SSH2: variants seen among roughly 807,000 people sequenced by gnomAD.
The protein encoded by SSH2 is protein phosphatase Slingshot homolog 2.
SSH2 carries 37 observed loss-of-function variants against 135.2 expected under a neutral mutation model. The ratio of observed to expected loss-of-function variants is 0.27; its 90% CI spans 0.21 to 0.36. SSH2 has a LOEUF of 0.36. Ranked by LOEUF, SSH2 falls within the 10% of genes least tolerant of loss-of-function variation. The pLI is 1.00. For missense variants in SSH2, 1,408 were observed against 1,765.3 expected, an observed-to-expected ratio of 0.80 and a Z score of 3.63; for synonymous variants, 628 against 646.2, an observed-to-expected ratio of 0.97 and a Z score of 0.43.
chr17:29,675,285 T>C (rs979461632), intron 8 of SSH2, among the ~76,000 whole-genome samples: 1 of 152,212 alleles, frequency 6.6e-6, no homozygotes, highest in Non-Finnish European at 1.5e-5. Context: ...AATTCTGTTT[T>C]CAGGGGTAGA....
chr17:29,658,911 C>T (rs953119405), intron 11 of SSH2, among the ~76,000 whole-genome samples: 1 of 149,048 alleles, frequency 6.7e-6, no homozygotes, highest in Admixed American at 6.7e-5. Context: ...AGAGGTCTCA[C>T]TCTCACTCCT....
intron 6 of SSH2, among the ~76,000 whole-genome samples, chr17:29,680,851 T>C (rs185493358): frequency 4.6e-5 from 7 of 152,214 alleles, no homozygotes; most frequent in Non-Finnish European, 8.8e-5. Flanking sequence ...AAGTATAATT[T>C]TGAGTATAAA....
chr17:29,686,589 C>T (rs867201217), intron 5 of SSH2, among the ~76,000 whole-genome samples: 9 of 150,902 alleles, frequency 6.0e-5, no homozygotes, highest in Non-Finnish European at 1.0e-4. Context: ...AGGCTGGTCT[C>T]GAACTCTGAA....
chr17:29,821,260 T>C (rs1228615152), intron 2 of SSH2, among the ~76,000 whole-genome samples: 2 of 152,186 alleles, frequency 1.3e-5, no homozygotes, highest in East Asian at 3.9e-4. Context: ...TTTATTTATC[T>C]ATCTATTTAT....
chr17:29,724,675 C>T (rs1193234164), intron 3 of SSH2, among the ~76,000 whole-genome samples: 1 of 149,368 alleles, frequency 6.7e-6, no homozygotes, highest in African/African-American at 2.5e-5. Context: ...CTGCAACCTC[C>T]ACCTCACGGG....
chr17:29,652,636 T>G (rs889096458), intron 12 of SSH2, among the ~76,000 whole-genome samples: 3 of 151,954 alleles, frequency 2.0e-5, no homozygotes, highest in Non-Finnish European at 4.4e-5. Context: ...GCAACACACT[T>G]TCCTTATTTT....
chr17:29,740,916 A>G (rs2040533572), intron 3 of SSH2, among the ~76,000 whole-genome samples: 1 of 152,236 alleles, frequency 6.6e-6, no homozygotes, highest in Admixed American at 6.5e-5. Flanking sequence ...AATGGTGATA[A>G]TTTTAGAATA....
intron 1 of SSH2, among the ~76,000 whole-genome samples, chr17:29,894,792 G>A (rs910024559): frequency 1.3e-5 from 2 of 151,946 alleles, no homozygotes; most frequent in African/African-American, 4.8e-5. Flanking sequence ...GAACACTGAA[G>A]CCATATTCTA....
chr17:29,810,734 A>G (rs1954083874), intron 2 of SSH2, among the ~76,000 whole-genome samples: 1 of 152,128 alleles, frequency 6.6e-6, no homozygotes, highest in South Asian at 2.1e-4. Flanking sequence ...ATTGTTTTCA[A>G]TATGTGACTG....
At chr17:29,776,305 A>T (rs1475693215) in intron 3 of SSH2, 1 of 152,148 alleles carries the variant, frequency 6.6e-6, no homozygotes, top group Non-Finnish European at 1.5e-5. Context: ...CGTGAGAAAA[A>T]TATTTTACCA....
At chr17:29,859,217 T>G (rs2065716940) in intron 1 of SSH2, among the ~76,000 whole-genome samples, 2 of 152,168 alleles carry the variant, frequency 1.3e-5, no homozygotes, top group South Asian at 4.1e-4. Context: ...ATCTTCAATA[T>G]CGGTAAAGGT....
chr17:29,816,710 A>C (rs1301113078), intron 2 of SSH2, among the ~76,000 whole-genome samples: 1 of 151,994 alleles, frequency 6.6e-6, no homozygotes, highest in Non-Finnish European at 1.5e-5. Flanking sequence ...AAAAAAAAAA[A>C]AACTCAAAGC....
chr17:29,832,184 C>T (rs183621184), intron 2 of SSH2, among the ~76,000 whole-genome samples: 87 of 152,268 alleles, frequency 5.7e-4, no homozygotes, highest in Admixed American at 5.4e-3. Context: ...CGCTCTGTTG[C>T]CCAGGTGAGG....
At chr17:29,648,096 T>C (rs2036449662) in intron 14 of SSH2, 48 bp downstream of exon 14, 2 of 1,565,888 alleles carry the variant, frequency 1.3e-6, no homozygotes, top group Non-Finnish European at 1.8e-6. Flanking sequence ...TTCATCTTGC[T>C]TTAGGGAACT....
chr17:29,764,501 A>G (rs2041401027), intron 3 of SSH2, among the ~76,000 whole-genome samples: 1 of 152,208 alleles, frequency 6.6e-6, no homozygotes, highest in Admixed American at 6.5e-5. Flanking sequence ...TTCAAAAATG[A>G]TTTCAAATTA....
At chr17:29,846,224 G>A (rs1434131107) in intron 2 of SSH2, among the ~76,000 whole-genome samples, 1 of 151,998 alleles carries the variant, frequency 6.6e-6, no homozygotes. Context: ...TAGTAGAGAC[G>A]GGGTTTCACC....
At chr17:29,737,836 C>T (rs1437560854) in intron 3 of SSH2, among the ~76,000 whole-genome samples, 1 of 152,170 alleles carries the variant, frequency 6.6e-6, no homozygotes, top group South Asian at 2.1e-4. Flanking sequence ...TTTGATCTTA[C>T]AGAACAGTAA....
intron 3 of SSH2, among the ~76,000 whole-genome samples, chr17:29,724,988 G>C (rs538170281): frequency 7.0e-4 from 106 of 152,000 alleles, no homozygotes; most frequent in Non-Finnish European, 1.4e-3. Flanking sequence ...ACAGGTATTT[G>C]TTGAGAGCTT....
chr17:29,714,155 A>G (rs1255358456), intron 3 of SSH2, among the ~76,000 whole-genome samples: 1 of 152,116 alleles, frequency 6.6e-6, no homozygotes, highest in African/African-American at 2.4e-5. Flanking sequence ...AAATGACCTG[A>G]AAAGTTCTTT....
Sources: gnomAD v4.1 joint callset for allele counts (sites outside exome capture counted in the v4.1 genomes callset) on GRCh38, gnomAD v4.1.1 for gene constraint, MANE v1.5 for transcripts, NCBI Gene and HGNC (gene_info 2026-07-23, HGNC 2026-07-21) for gene names.